The following DCDC2 variants were observed in gnomAD, a reference collection of about 807,000 sequenced individuals.
The protein encoded by DCDC2 is doublecortin domain-containing protein 2.
In DCDC2, 40 loss-of-function variants were observed where a neutral mutation model predicts 50.2. The observed-to-expected ratio is 0.80, with a 90% CI of 0.62 to 1.04. The LOEUF (loss-of-function observed/expected upper bound fraction) is 1.04, where lower values mean the gene tolerates loss of function less well. Among genes scored for constraint, DCDC2 ranks in the 50% least tolerant of loss-of-function variants. The probability of loss-of-function intolerance (pLI) is 0.00; values close to 1 mark genes in which losing one functional copy is unlikely to be tolerated. For synonymous variants in DCDC2, 234 were observed against 210.6 expected (o/e 1.11, Z -0.96); for missense variants, 570 against 581.9 (o/e 0.98, Z 0.21).
intron 2 of DCDC2, among the ~76,000 whole-genome samples, chr6:24,337,413 T>A (rs559577148): frequency 6.6e-6 from 1 of 151,938 alleles, no homozygotes; most frequent in Non-Finnish European, 1.5e-5. Context: ...AGGGAATATT[T>A]GCAAAGCCAA....
intron 7 of DCDC2, among the ~76,000 whole-genome samples, chr6:24,207,710 G>A (rs1390637821): frequency 2.0e-5 from 3 of 152,130 alleles, no homozygotes; most frequent in Admixed American, 2.0e-4. Flanking sequence ...ATGGTGCACT[G>A]CAAAGAGTAA....
At chr6:24,183,098 TAGAGCAG>T (rs1459030311) in intron 8 of DCDC2, among the ~76,000 whole-genome samples, 1 of 152,180 alleles carries the variant, frequency 6.6e-6, no homozygotes, top group East Asian at 1.9e-4. Context: ...GTCAGAATCA[TAGAGCAG>T]AGAGTAGAAT....
intron 2 of DCDC2, among the ~76,000 whole-genome samples, chr6:24,339,958 T>C (rs888136933): frequency 6.6e-6 from 1 of 152,212 alleles, no homozygotes; most frequent in Non-Finnish European, 1.5e-5. Context: ...AATATGATTA[T>C]ACATAAGGAA....
At chr6:24,367,371 C>T in the DCDC2 span, among the ~76,000 whole-genome samples, 1 of 152,186 alleles carries the variant, frequency 6.6e-6, no homozygotes, top group Non-Finnish European at 1.5e-5. Flanking sequence ...GAGAGAAGTT[C>T]CCCATGCAAA....
At chr6:24,255,377 A>T (rs1449581945) in intron 7 of DCDC2, among the ~76,000 whole-genome samples, 1 of 152,072 alleles carries the variant, frequency 6.6e-6, no homozygotes, top group Non-Finnish European at 1.5e-5. Flanking sequence ...ACTGAAAAAA[A>T]AAAAAGGAAA....
At chr6:24,271,239 A>AGT in intron 7 of DCDC2, among the ~76,000 whole-genome samples, 1 of 135,988 alleles carries the variant, frequency 7.4e-6, no homozygotes, top group African/African-American at 2.6e-5. Context: ...AGAGAGAGAG[A>AGT]GAAAGAAAGA....
chr6:24,287,847 CT>C (rs1763645852), intron 6 of DCDC2, among the ~76,000 whole-genome samples: 1 of 152,148 alleles, frequency 6.6e-6, no homozygotes, highest in Admixed American at 6.5e-5. Context: ...TGTTTGTTGC[CT>C]TTTTAAGCTA....
intron 8 of DCDC2, among the ~76,000 whole-genome samples, chr6:24,198,604 TAC>T (rs1471075817): frequency 1.3e-5 from 2 of 151,194 alleles, no homozygotes; most frequent in Admixed American, 6.6e-5. Flanking sequence ...CCAAGCTAGC[TAC>T]AGTTTTTTTT....
chr6:24,342,038 T>G (rs950513162), intron 2 of DCDC2, among the ~76,000 whole-genome samples: 1 of 152,182 alleles, frequency 6.6e-6, no homozygotes, highest in Non-Finnish European at 1.5e-5. Context: ...AGTTTCTATA[T>G]CCTAATCAAA....
intron 2 of DCDC2, among the ~76,000 whole-genome samples, chr6:24,348,693 A>G (rs1446907044): frequency 2.6e-5 from 4 of 152,212 alleles, no homozygotes; most frequent in African/African-American, 9.7e-5. Context: ...GCTAAAAAAC[A>G]AAAGGGTCTA....
chr6:24,374,758 C>CAAAT, the DCDC2 span, among the ~76,000 whole-genome samples: 1 of 152,080 alleles, frequency 6.6e-6, no homozygotes, highest in Non-Finnish European at 1.5e-5. Flanking sequence ...ATCCAGCAGG[C>CAAAT]AAATAGCGGG....
intron 7 of DCDC2, among the ~76,000 whole-genome samples, chr6:24,245,487 T>C (rs896328250): frequency 5.3e-5 from 8 of 152,172 alleles, no homozygotes; most frequent in African/African-American, 1.9e-4. Flanking sequence ...TAAGATCTGT[T>C]TATACTAGTC....
intron 2 of DCDC2, among the ~76,000 whole-genome samples, chr6:24,309,149 C>A (rs1271904297): frequency 1.3e-5 from 2 of 152,102 alleles, no homozygotes; most frequent in Non-Finnish European, 2.9e-5. Context: ...CATGGTGAAA[C>A]CCCATCTCTA....
chr6:24,367,519 A>C, the DCDC2 span, among the ~76,000 whole-genome samples: 1 of 152,228 alleles, frequency 6.6e-6, no homozygotes, highest in African/African-American at 2.4e-5. Flanking sequence ...GGGATCACAG[A>C]ATTTCATCCT....
chr6:24,335,356 C>T (rs1337506677), intron 2 of DCDC2, among the ~76,000 whole-genome samples: 4 of 152,140 alleles, frequency 2.6e-5, no homozygotes, highest in Admixed American at 2.6e-4. Flanking sequence ...TTTTCAAAAG[C>T]ATTAGAATTA....
At chr6:24,177,659 A>G (rs1207474873) in intron 9 of DCDC2, among the ~76,000 whole-genome samples, 1 of 152,230 alleles carries the variant, frequency 6.6e-6, no homozygotes, top group Non-Finnish European at 1.5e-5. Flanking sequence ...GAATGCCAGG[A>G]CTGATGAGTA....
intron 7 of DCDC2, among the ~76,000 whole-genome samples, chr6:24,272,158 C>A (rs1763253050): frequency 1.3e-5 from 2 of 152,186 alleles, no homozygotes; most frequent in Non-Finnish European, 2.9e-5. Context: ...ATTCAGCCCA[C>A]TTTTAATTTT....
chr6:24,207,256 T>TTCTCTCTCTC (rs60603298), intron 7 of DCDC2, among the ~76,000 whole-genome samples: 4,552 of 129,584 alleles, frequency 0.035, 108 homozygotes, highest in Non-Finnish European at 0.049. Context: ...CCATCTATCT[T>TTCTCTCTCTC]TCTCTCTCTC....
chr6:24,246,005 T>C (rs1762663781), intron 7 of DCDC2, among the ~76,000 whole-genome samples: 1 of 152,166 alleles, frequency 6.6e-6, no homozygotes, highest in Non-Finnish European at 1.5e-5. Flanking sequence ...TTTTTATTTT[T>C]ATTTATTTAT....
Sources: gnomAD v4.1 joint callset for allele counts (sites outside exome capture counted in the v4.1 genomes callset) on GRCh38, gnomAD v4.1.1 for gene constraint, MANE v1.5 for transcripts, NCBI Gene and HGNC (gene_info 2026-07-23, HGNC 2026-07-21) for gene names.